Variants in PRPH2 observed in about 807,000 individuals in gnomAD.
The protein encoded by PRPH2 is peripherin-2.
PRPH2 carries 17 observed loss-of-function variants against 31.3 expected under a neutral mutation model. The observed-to-expected ratio is 0.54, with a 90% confidence interval of 0.37 to 0.81. PRPH2 has a LOEUF of 0.81. Ranked by LOEUF, PRPH2 falls within the 40% of genes least tolerant of loss-of-function variation. The pLI, the probability that PRPH2 is intolerant of heterozygous loss-of-function variation, is 0.00. For missense variants in PRPH2, 430 were observed against 439.7 expected (o/e 0.98, Z 0.20); for synonymous variants, 165 against 184.4 (o/e 0.89, Z 0.85).
In PRPH2 at chr6:42,698,904, C is replaced by T. The variant is rs149665598; in HGVS notation, c.829-397G>A. On this transcript the variant is annotated intron_variant, in intron 2 of 2. Transcript: ENST00000230381. ...AGCTCATCCTCCCTCCCCATCCCCT[C>T]GGGTCGCCCCCATCCCAGGTGCATT... Among the ~76,000 whole-genome samples, 474 of 152,252 alleles carry T rather than the reference C, an allele frequency of 3.1e-3. 1 individual carries two copies. The highest frequency in any genetic ancestry group is 5.5e-3 in the Non-Finnish European group (377 of 68,020).
intron 1 of PRPH2, 119 bp from the exon 2 acceptor site, chr6:42,704,730 A>G: frequency 6.8e-7 from 1 of 1,472,288 alleles, no homozygotes; most frequent in Non-Finnish European, 9.5e-7. Context: ...CTTGGTATAT[A>G]TTTGCTGTGC....
At chr6:42,710,619 C>T (rs551252795) in intron 1 of PRPH2, among the ~76,000 whole-genome samples, 1 of 152,294 alleles carries the variant, frequency 6.6e-6, no homozygotes, top group Admixed American at 6.5e-5. Flanking sequence ...ACGAATTTCA[C>T]TCTGCGCGGA....
chr6:42,706,546 A>T (rs543295755), intron 1 of PRPH2, among the ~76,000 whole-genome samples: 4 of 151,902 alleles, frequency 2.6e-5, no homozygotes, highest in Non-Finnish European at 4.4e-5. Flanking sequence ...CAGAGGTTGC[A>T]GTGAGCCGAG....
chr6:42,705,599 A>AAATAT (rs1562424252), intron 1 of PRPH2, among the ~76,000 whole-genome samples: 1 of 21,598 alleles, frequency 4.6e-5, no homozygotes, highest in African/African-American at 1.8e-4. Context: ...AAAAAAAAAA[A>AAATAT]ATATATATAT....
intron 1 of PRPH2, among the ~76,000 whole-genome samples, chr6:42,706,266 G>A (rs971142819): frequency 1.3e-5 from 2 of 151,962 alleles, no homozygotes; most frequent in Admixed American, 6.6e-5. Context: ...TTAGCTGGGC[G>A]TTGTGGCGGG....
intron 1 of PRPH2, among the ~76,000 whole-genome samples, chr6:42,706,306 G>C (rs1325340197): frequency 1.3e-5 from 2 of 152,062 alleles, no homozygotes; most frequent in Non-Finnish European, 2.9e-5. Context: ...TCGGGAGGCT[G>C]AGGCAGGAGA....
intron 2 of PRPH2, among the ~76,000 whole-genome samples, chr6:42,703,513 C>T (rs567120808): frequency 6.6e-6 from 1 of 152,174 alleles, no homozygotes; most frequent in Non-Finnish European, 1.5e-5. Flanking sequence ...GGTTAAATGA[C>T]TAAGACCTCG....
At chr6:42,714,339 G>T (rs1031862217) in intron 1 of PRPH2, among the ~76,000 whole-genome samples, 5 of 152,158 alleles carry the variant, frequency 3.3e-5, no homozygotes, top group Admixed American at 6.5e-5. Context: ...TTAGGGCTAG[G>T]GGGAGGGAAG....
intron 1 of PRPH2, among the ~76,000 whole-genome samples, chr6:42,711,444 A>AG (rs551819984): frequency 1.3e-5 from 2 of 152,132 alleles, no homozygotes; most frequent in African/African-American, 4.8e-5. Flanking sequence ...CCCCAGTCTG[A>AG]GGGGGGAATG....
intron 1 of PRPH2, among the ~76,000 whole-genome samples, chr6:42,721,269 C>A (rs533926189): frequency 2.0e-5 from 3 of 152,222 alleles, no homozygotes; most frequent in Non-Finnish European, 4.4e-5. Flanking sequence ...TCCAGACAAA[C>A]ATCTTGGGAA....
chr6:42,721,772 G>A lies in PRPH2; in HGVS notation c.563C>T (p.Ser188Phe), dbSNP rs1369548018. 6.2e-7 allele frequency: 1 copy of A among 1,614,134 alleles called. No homozygotes were observed. Among genetic ancestry groups the A allele is most frequent in the Admixed American group, 1.7e-5 (1 of 60,012 alleles). Reference sequence around the variant, plus strand: ...CACTCACTCTTTGACTTCTTTGGAGGAAAAGTCCAGGTAGCGATTGCTGAT... The same window carrying A: ...CACTCACTCTTTGACTTCTTTGGAGAAAAAGTCCAGGTAGCGATTGCTGAT... ...QWISNRYLDF[S>F]SKEVKDRIKS... The change falls in exon 1 of 3, where the codon TCC becomes TTC. Residue 188 changes from serine to phenylalanine, a missense_variant. By Grantham distance (155) the Ser-to-Phe change is radical. Coordinates refer to ENST00000230381, the MANE Select transcript of PRPH2 (RefSeq NM_000322.5).
intron 1 of PRPH2, among the ~76,000 whole-genome samples, chr6:42,705,584 AAAAAAAAAAAAAAAAATATATATAT>A (rs1459247384): frequency 0.17 from 2,721 of 15,846 alleles, 188 homozygotes; most frequent in African/African-American, 0.32. Context: ...TAAAAAAAAA[AAAAAAAAAAAAAAAAATATATATAT>A]ATATATATAT....
intron 1 of PRPH2, chr6:42,711,990 G>A: frequency 1.0e-6 from 1 of 984,454 alleles, no homozygotes; most frequent in Non-Finnish European, 1.2e-6. Context: ...CCTTCCTCAT[G>A]TGCTACGGTA....
At position 42,698,510 on chromosome 6, in the gene PRPH2, G is replaced by C. The variant is rs1799990150; in HGVS notation, c.829-3C>G. 6.2e-7 allele frequency: 1 copy of C among 1,614,112 alleles called. No individual in the cohort carries two copies. Among genetic ancestry groups the C allele is most frequent in the East Asian group, 2.2e-5 (1 of 44,874 alleles). ...CGCAGCCCAATTGTAATGGTCACCT[G>C]GTGGTGGGAGAGGAGATTTAGAGGC... On this transcript the variant is annotated splice_polypyrimidine_tract_variant and splice_region_variant and intron_variant, in intron 2 of 2. Transcript: ENST00000230381.
At chr6:42,700,481 C>G (rs545683605) in intron 2 of PRPH2, among the ~76,000 whole-genome samples, 1 of 152,268 alleles carries the variant, frequency 6.6e-6, no homozygotes, top group Admixed American at 6.5e-5. Context: ...CAGTAAATCT[C>G]TTTTGAATGA....
chr6:42,697,810 T>TA lies in PRPH2; in HGVS notation c.*484dup, dbSNP rs55851577. The TA allele has an allele frequency of 0.011, 1,570 of 143,646 alleles. 22 individuals are homozygous for TA. Among genetic ancestry groups the TA allele is most frequent in the African/African-American group, 0.026 (998 of 38,040 alleles). 8.9% of individuals were successfully genotyped at this position (143,646 alleles called of 1,614,324 possible). On this transcript the variant is annotated 3_prime_UTR_variant, in exon 3 of 3. Transcript: ENST00000230381. Reference sequence around the variant, plus strand: ...ACGGCCAACCTGTCAATCTTGGCATTAAAAAAAAAAAAAAAAGACAACATG... The same window carrying TA: ...ACGGCCAACCTGTCAATCTTGGCATTAAAAAAAAAAAAAAAAAGACAACATG...
intron 2 of PRPH2, among the ~76,000 whole-genome samples, chr6:42,699,268 G>T (rs1385957179): frequency 6.6e-6 from 1 of 151,630 alleles, no homozygotes; most frequent in Admixed American, 6.6e-5. Context: ...GTTTCCCCAT[G>T]TTGCCAGCTG....
At chr6:42,712,799 G>A (rs1417739612) in intron 1 of PRPH2, among the ~76,000 whole-genome samples, 2 of 151,950 alleles carry the variant, frequency 1.3e-5, no homozygotes, top group Non-Finnish European at 2.9e-5. Context: ...TTACAGGTGT[G>A]TTGCCACCAC....
intron 1 of PRPH2, among the ~76,000 whole-genome samples, chr6:42,713,267 T>C (rs891055689): frequency 1.3e-5 from 2 of 151,836 alleles, no homozygotes; most frequent in African/African-American, 4.8e-5. Flanking sequence ...CTTTCACTGA[T>C]ACCTTGCTCT....
Sources: allele counts gnomAD v4.1 joint callset (sites outside exome capture counted in the v4.1 genomes callset), GRCh38; gene constraint gnomAD v4.1.1; transcripts MANE v1.5; gene names NCBI Gene and HGNC (gene_info 2026-07-23, HGNC 2026-07-21).